The following SDHA variants were observed in gnomAD, a reference collection of about 807,000 sequenced individuals.
SDHA encodes succinate dehydrogenase complex flavoprotein subunit A.
In SDHA, 48 loss-of-function variants were observed where a neutral mutation model predicts 78.4. The ratio of observed to expected loss-of-function variants is 0.61; its 90% CI spans 0.49 to 0.78. SDHA has a LOEUF of 0.78. Among genes scored for constraint, SDHA ranks in the 30% least tolerant of loss-of-function variants. The pLI, the probability that SDHA is intolerant of heterozygous loss-of-function variation, is 0.00. For missense variants in SDHA, 680 were observed against 892.7 expected (o/e 0.76, Z 3.04); for synonymous variants, 326 against 353.9 (o/e 0.92, Z 0.88).
intron 6 of SDHA, 76 bp downstream of exon 6, chr5:228,409 A>G (rs1735185560): frequency 1.4e-6 from 2 of 1,438,942 alleles, no homozygotes; most frequent in South Asian, 2.4e-5. Flanking sequence ...ATTTTAATGA[A>G]AATAGAGGCA....
intron 9 of SDHA, 56 bp downstream of exon 9, chr5:235,395 C>T (rs1466371261): frequency 9.9e-6 from 15 of 1,517,608 alleles, no homozygotes; most frequent in Non-Finnish European, 1.4e-5. Flanking sequence ...CGACGGGGCC[C>T]ACCTCGCAGT....
intron 14 of SDHA, among the ~76,000 whole-genome samples, chr5:255,904 C>T (rs1462939156): frequency 1.3e-5 from 2 of 152,164 alleles, no homozygotes; most frequent in Non-Finnish European, 2.9e-5. Context: ...TCTCTGAAAT[C>T]CTTGGGACCA....
At position 225,939 on chromosome 5, in the gene SDHA, T is replaced by C. The variant is rs765157205; in HGVS notation, c.513T>C (p.Arg171=). Residue 171 remains arginine (R), a synonymous_variant, in exon 5 of 15, where the codon CGT becomes CGC. Coordinates refer to ENST00000264932, the MANE Select transcript of SDHA (RefSeq NM_004168.4). ...SRTEDGKIYQ[R]AFGGQSLKFG... ...CTGAAGATGGGAAGATTTATCAGCG[T>C]GCATTTGGTGGACAGAGCCTCAAGT... 99 of 1,613,774 alleles carry C rather than the reference T, an allele frequency of 6.1e-5. No individual in the cohort carries two copies. Among genetic ancestry groups the C allele is most frequent in the Non-Finnish European group, 8.3e-5 (98 of 1,180,016 alleles).
At chr5:242,013 A>G (rs1736171499) in intron 11 of SDHA, among the ~76,000 whole-genome samples, 1 of 152,260 alleles carries the variant, frequency 6.6e-6, no homozygotes, top group Admixed American at 6.5e-5. Context: ...TACTAGAAGC[A>G]TTCCCACCAA....
intron 11 of SDHA, among the ~76,000 whole-genome samples, chr5:240,881 T>C (rs1272246985): frequency 6.6e-6 from 1 of 152,108 alleles, no homozygotes. Flanking sequence ...GAGTAGTATT[T>C]CATGGTATAT....
intron 11 of SDHA, among the ~76,000 whole-genome samples, chr5:241,047 T>C (rs1736109386): frequency 6.6e-6 from 1 of 152,150 alleles, no homozygotes; most frequent in Non-Finnish European, 1.5e-5. Flanking sequence ...GTATCAAGAA[T>C]ATGAAAGAGA....
At chr5:257,671 C>T (rs1165381834), downstream of SDHA, among the ~76,000 whole-genome samples, 3 of 122,252 alleles carry the variant, frequency 2.5e-5, no homozygotes. Context: ...GGGTGAGCTC[C>T]ACCCCCTGCC....
chr5:220,466 T>A lies in SDHA; in HGVS notation c.63+2048T>A, dbSNP rs72711323. 8.0e-3 allele frequency: 1,683 copies of A among 209,818 alleles called. 13 individuals carry two copies. Among genetic ancestry groups the A allele is most frequent in the Non-Finnish European group, 0.013 (1,301 of 96,412 alleles). 13.0% of individuals were successfully genotyped at this position (209,818 alleles called of 1,614,324 possible). A position where few individuals can be genotyped will look rare whatever the true frequency, so the allele number is the denominator to read the frequency against. ...TCTAGAAATACATTATTTAGGCCAT[T>A]ATAGTAGTAAACCTTTGCTTTGCTT... On this transcript the variant is annotated intron_variant, in intron 1 of 14. Coordinates refer to ENST00000264932, the MANE Select transcript of SDHA (RefSeq NM_004168.4).
At chr5:223,096 T>C (rs1264617817) in intron 1 of SDHA, among the ~76,000 whole-genome samples, 1 of 152,230 alleles carries the variant, frequency 6.6e-6, no homozygotes, top group Non-Finnish European at 1.5e-5. Flanking sequence ...AAATGCTTCA[T>C]TACTTGCAAA....
chr5:238,447 A>T (rs4957004), intron 10 of SDHA, among the ~76,000 whole-genome samples: 57,974 of 148,654 alleles, frequency 0.39, 12,891 homozygotes, highest in South Asian at 0.51. Flanking sequence ...ATATATATGT[A>T]TTTTTTTTTT....
chr5:234,905 G>C, intron 8 of SDHA: 2 of 572,258 alleles, frequency 3.5e-6, no homozygotes, highest in Non-Finnish European at 6.4e-6. Flanking sequence ...TGAGACGAGC[G>C]TGAGTTTAGT....
chr5:235,299 A>G lies in SDHA; in HGVS notation c.1220A>G (p.His407Arg), dbSNP rs374087393. 2 of 1,614,054 alleles carry G rather than the reference A, an allele frequency of 1.2e-6. No individual in the cohort carries two copies. Among genetic ancestry groups the G allele is most frequent in the African/African-American group, 1.3e-5 (1 of 74,914 alleles). Residue 407 changes from histidine (H) to arginine (R), a missense_variant, in exon 9 of 15, where the codon CAT becomes CGT. By Grantham distance (29) the His-to-Arg change is conservative. Transcript: ENST00000264932. Reference sequence around the variant, plus strand: ...CCGATCCCTGTCCTCCCCACCGTGCATTATAACATGGGCGGCATTCCCACC... The same window carrying G: ...CCGATCCCTGTCCTCCCCACCGTGCGTTATAACATGGGCGGCATTCCCACC... Reference protein sequence around the residue: ...KEPIPVLPTVHYNMGGIPTNY... With the variant: ...KEPIPVLPTVRYNMGGIPTNY...
chr5:264,990 C>T, the SDHA span, among the ~76,000 whole-genome samples: 329 of 152,292 alleles, frequency 2.2e-3, no homozygotes, highest in African/African-American at 7.4e-3. Context: ...GACAGATCAC[C>T]TGAGGCCAGG....
the SDHA span, among the ~76,000 whole-genome samples, chr5:262,337 A>T: frequency 8.9e-6 from 1 of 112,124 alleles, no homozygotes; most frequent in Non-Finnish European, 2.0e-5. Flanking sequence ...TTACCGTGTG[A>T]GCTCCGCCTC....
At chr5:251,313 C>A in intron 12 of SDHA, 25 bp from the exon 13 acceptor site, 2 of 1,609,764 alleles carry the variant, frequency 1.2e-6, no homozygotes, top group Non-Finnish European at 1.7e-6. Context: ...CCGCCTGCCC[C>A]TGATGGAACT....
At chr5:238,996 C>T (rs965029447) in intron 10 of SDHA, among the ~76,000 whole-genome samples, 3 of 151,408 alleles carry the variant, frequency 2.0e-5, no homozygotes, top group African/African-American at 7.3e-5. Flanking sequence ...TAGAACTGTC[C>T]ACCTAAAGAA....
At chr5:235,756 G>C (rs1349731175) in intron 9 of SDHA, 1 of 335,448 alleles carries the variant, frequency 3.0e-6, no homozygotes. Flanking sequence ...AGGTGAACGG[G>C]GTAGAACAGT....
At chr5:226,643 A>T (rs1489538961) in intron 5 of SDHA, among the ~76,000 whole-genome samples, 5 of 151,706 alleles carry the variant, frequency 3.3e-5, no homozygotes, top group Non-Finnish European at 7.4e-5. Flanking sequence ...AAAGAGAAAG[A>T]ACAGGCTGGG....
intron 7 of SDHA, among the ~76,000 whole-genome samples, chr5:232,077 T>A (rs1021142242): frequency 6.6e-6 from 1 of 152,214 alleles, no homozygotes; most frequent in African/African-American, 2.4e-5. Context: ...TCTGGGTTGC[T>A]TTTCTGACCT....
Sources: gnomAD v4.1 joint callset for allele counts (sites outside exome capture counted in the v4.1 genomes callset) on GRCh38, gnomAD v4.1.1 for gene constraint, MANE v1.5 for transcripts, NCBI Gene and HGNC (gene_info 2026-07-23, HGNC 2026-07-21) for gene names.